The following CWH43 variants were observed in gnomAD, a reference collection of about 807,000 sequenced individuals.
The protein encoded by CWH43 is PGAP2-interacting protein.
A neutral mutation model predicts 85.7 loss-of-function variants in CWH43; 91 were observed. The ratio of observed to expected loss-of-function variants is 1.06; its 90% confidence interval spans 0.90 to 1.26. CWH43 has a LOEUF of 1.26. CWH43 is among the 50% of genes most tolerant of loss of function. The pLI, the probability that CWH43 is intolerant of heterozygous loss-of-function variation, is 0.00. For missense variants in CWH43, 869 were observed against 839.2 expected, an observed-to-expected ratio of 1.04 and a Z score of -0.44; for synonymous variants, 323 against 293.6, an observed-to-expected ratio of 1.10 and a Z score of -1.02.
chr4:49,023,511 A>C (rs1783812888), intron 9 of CWH43, among the ~76,000 whole-genome samples: 1 of 152,124 alleles, frequency 6.6e-6, no homozygotes, highest in South Asian at 2.1e-4. Flanking sequence ...AGTAGCTGGG[A>C]TTACAGGCAT....
intron 9 of CWH43, among the ~76,000 whole-genome samples, chr4:49,024,409 G>A (rs1271831827): frequency 2.0e-5 from 3 of 151,954 alleles, no homozygotes; most frequent in African/African-American, 7.2e-5. Context: ...AATACCTTGG[G>A]TTTTCTTTCA....
chr4:49,028,496 A>T, intron 9 of CWH43, 133 bp from the exon 10 acceptor site: 1 of 595,928 alleles, frequency 1.7e-6, no homozygotes, highest in Non-Finnish European at 3.0e-6. Context: ...TTCATGGATT[A>T]AATGTGGGAA....
At chr4:49,055,942 T>A (rs1418230931) in intron 15 of CWH43, among the ~76,000 whole-genome samples, 5 of 150,524 alleles carry the variant, frequency 3.3e-5, no homozygotes, top group Non-Finnish European at 1.5e-5. Flanking sequence ...TACTCTAAGT[T>A]TTAGGGTACA....
chr4:49,033,434 C>G (rs1490027330), intron 12 of CWH43, among the ~76,000 whole-genome samples: 2 of 152,114 alleles, frequency 1.3e-5, no homozygotes, highest in Non-Finnish European at 2.9e-5. Flanking sequence ...ACCCTGCTTG[C>G]CCTGGCAAGC....
chr4:49,023,083 G>T (rs367710218), intron 9 of CWH43, among the ~76,000 whole-genome samples: 1 of 152,030 alleles, frequency 6.6e-6, no homozygotes, highest in African/African-American at 2.4e-5. Flanking sequence ...CTGGGTTTGG[G>T]TTTGGTTTGT....
At chr4:48,998,391 T>G in intron 5 of CWH43, 69 bp from the exon 6 acceptor site, 1 of 1,236,866 alleles carries the variant, frequency 8.1e-7, no homozygotes, top group Non-Finnish European at 1.2e-6. Context: ...GAGGTATATT[T>G]CTATTTTATA....
chr4:49,050,805 C>A lies in CWH43; in HGVS notation c.1977C>A (p.Val659=). 1 of 1,612,876 alleles carries A rather than the reference C, an allele frequency of 6.2e-7. No homozygotes were observed. Among genetic ancestry groups the A allele is most frequent in the South Asian group, 1.1e-5 (1 of 90,914 alleles). ...ATTATAGAGACAACCAGAAAGTGGTCATAGACCACAGAGAAGTTTCTGAGA... is the reference window on the plus strand; with the variant it reads ...ATTATAGAGACAACCAGAAAGTGGTAATAGACCACAGAGAAGTTTCTGAGA... The part of the protein sequence containing the change: ...PTNYRDNQKV[V]IDHREVSEKI... The change falls in exon 15 of 16, where the codon GTC becomes GTA. Residue 659 remains valine (V), a synonymous_variant. Transcript: ENST00000226432.
At chr4:49,040,679 C>T (rs1784431491) in intron 13 of CWH43, among the ~76,000 whole-genome samples, 1 of 152,004 alleles carries the variant, frequency 6.6e-6, no homozygotes, top group Non-Finnish European at 1.5e-5. Flanking sequence ...AAAATTTTCT[C>T]CCATTCTGTA....
In CWH43 at chr4:49,044,845, C is replaced by T. The variant is rs1784573803; in HGVS notation, c.1863C>T (p.Ile621=). The T allele has an allele frequency of 6.8e-6, 11 of 1,610,796 alleles. No individual in the cohort carries two copies. Among genetic ancestry groups the T allele is most frequent in the Non-Finnish European group, 9.3e-6 (11 of 1,177,450 alleles). ...AATACATTATGTATCGAGGGCTGATCAGGTGAGCACAGGGGTTTGATTTTG... is the reference window on the plus strand; with the variant it reads ...AATACATTATGTATCGAGGGCTGATTAGGTGAGCACAGGGGTTTGATTTTG... ...WCEYIMYRGL[I]RLGYARISHA... Residue 621 remains isoleucine (I), a splice_region_variant and synonymous_variant, in exon 14 of 16, where the codon ATC becomes ATT. Coordinates refer to ENST00000226432, the MANE Select transcript of CWH43 (RefSeq NM_025087.3).
chr4:49,011,304 C>T (rs958049769), intron 8 of CWH43, among the ~76,000 whole-genome samples: 3 of 150,808 alleles, frequency 2.0e-5, no homozygotes, highest in African/African-American at 7.3e-5. Context: ...GCAACCCCTG[C>T]TTTTTTTTTG....
At chr4:49,007,518 C>G (rs1026032591) in intron 8 of CWH43, among the ~76,000 whole-genome samples, 192 bp downstream of exon 8, 5 of 152,082 alleles carry the variant, frequency 3.3e-5, no homozygotes, top group African/African-American at 1.2e-4. Flanking sequence ...GGTACATGTG[C>G]ACAACGTGCA....
At position 48,986,363 on chromosome 4, in the gene CWH43, C is replaced by A. The variant is rs1782493774; in HGVS notation, c.-67C>A. On this transcript the variant is annotated 5_prime_UTR_variant, in exon 1 of 16. Coordinates refer to ENST00000226432, the MANE Select transcript of CWH43 (RefSeq NM_025087.3). ...GGACGCGGCGGCGGGAACCTGGGGGCGCAGGGCTAGGGCAGCGGGCCCGAC... is the reference window on the plus strand; with the variant it reads ...GGACGCGGCGGCGGGAACCTGGGGGAGCAGGGCTAGGGCAGCGGGCCCGAC... 6 of 1,456,436 alleles carry A rather than the reference C, an allele frequency of 4.1e-6. No homozygotes were observed. Among genetic ancestry groups the A allele is most frequent in the Admixed American group, 4.2e-5 (2 of 47,134 alleles). The allele number at this position is 1,456,436 out of a possible 1,614,324, so 90.2% of individuals were successfully genotyped here. A position where few individuals can be genotyped will look rare whatever the true frequency, so the allele number is the denominator to read the frequency against.
At chr4:49,023,170 T>C (rs1055556816) in intron 9 of CWH43, among the ~76,000 whole-genome samples, 2 of 152,188 alleles carry the variant, frequency 1.3e-5, no homozygotes, top group African/African-American at 4.8e-5. Context: ...ATACAGGCAT[T>C]TAATGCTGTG....
At chr4:49,060,672 C>T (rs924274004) in intron 15 of CWH43, among the ~76,000 whole-genome samples, 2 of 152,144 alleles carry the variant, frequency 1.3e-5, no homozygotes, top group African/African-American at 2.4e-5. Context: ...CTCAATGAGA[C>T]TTTTCTTATT....
chr4:48,991,177 T>C (rs1272665567), intron 2 of CWH43, among the ~76,000 whole-genome samples: 2 of 152,124 alleles, frequency 1.3e-5, no homozygotes, highest in Non-Finnish European at 2.9e-5. Context: ...GGGGTTTCTT[T>C]TTGGGGTGAT....
At chr4:48,989,286 A>C (rs1377451864) in intron 2 of CWH43, among the ~76,000 whole-genome samples, 1 of 152,194 alleles carries the variant, frequency 6.6e-6, no homozygotes, top group Non-Finnish European at 1.5e-5. Flanking sequence ...GTTTATCTAG[A>C]GTTTGACAAG....
intron 1 of CWH43, among the ~76,000 whole-genome samples, chr4:48,987,094 C>T (rs1782518937): frequency 6.6e-6 from 1 of 151,952 alleles, no homozygotes; most frequent in South Asian, 2.1e-4. Context: ...AATCAAAGTT[C>T]CCAGACAAAC....
intron 12 of CWH43, among the ~76,000 whole-genome samples, chr4:49,035,677 T>G (rs1784241954): frequency 6.6e-6 from 1 of 152,208 alleles, no homozygotes; most frequent in Admixed American, 6.5e-5. Flanking sequence ...ATGTGAGCTC[T>G]CTCTCTTTCT....
intron 9 of CWH43, among the ~76,000 whole-genome samples, chr4:49,018,080 C>T (rs1190936423): frequency 6.6e-6 from 1 of 151,926 alleles, no homozygotes; most frequent in Admixed American, 6.6e-5. Context: ...CCTTGTGATC[C>T]GCCTGCCTCC....
Sources: gnomAD v4.1 joint callset for allele counts (sites outside exome capture counted in the v4.1 genomes callset) on GRCh38, gnomAD v4.1.1 for gene constraint, MANE v1.5 for transcripts, NCBI Gene and HGNC (gene_info 2026-07-23, HGNC 2026-07-21) for gene names.